The following UBXN8 variants were observed in gnomAD, a reference collection of about 807,000 sequenced individuals.
The protein encoded by UBXN8 is UBX domain protein 8.
Under a neutral mutation model 32.1 loss-of-function variants are expected in UBXN8, and 27 were observed. The ratio of observed to expected loss-of-function variants is 0.84; its 90% CI spans 0.62 to 1.16. The LOEUF (loss-of-function observed/expected upper bound fraction) is 1.16, where lower values mean the gene tolerates loss of function less well. UBXN8 is among the 50% of genes most tolerant of loss of function. The pLI is 0.00. For synonymous variants in UBXN8, 109 were observed against 111.8 expected (o/e 0.98, Z 0.16); for missense variants, 306 against 311.4 (o/e 0.98, Z 0.13).
chr8:30,732,125 C>A (rs1009184188), upstream of UBXN8: 12 of 322,128 alleles, frequency 3.7e-5, no homozygotes, highest in African/African-American at 2.6e-4. Flanking sequence ...ACTCAGTACA[C>A]TTGGACCTGG....
At chr8:30,761,536 C>G (rs962332873) in intron 6 of UBXN8, among the ~76,000 whole-genome samples, 1 of 152,172 alleles carries the variant, frequency 6.6e-6, no homozygotes, top group Non-Finnish European at 1.5e-5. Flanking sequence ...CCCACTGCCT[C>G]AGGCATAGGA....
chr8:30,732,335 T>C (rs1371946468), upstream of UBXN8: 2 of 397,990 alleles, frequency 5.0e-6, no homozygotes, highest in Non-Finnish European at 8.9e-6. Context: ...GGGTATAAGG[T>C]GTCCAAGAAA....
upstream of UBXN8, among the ~76,000 whole-genome samples, chr8:30,730,960 C>T (rs564892642): frequency 5.3e-5 from 8 of 152,276 alleles, no homozygotes; most frequent in African/African-American, 1.4e-4. Flanking sequence ...ACGTCAGGCC[C>T]GGCGAAATGC....
intron 6 of UBXN8, among the ~76,000 whole-genome samples, chr8:30,762,503 C>G (rs573148649): frequency 2.0e-5 from 3 of 152,324 alleles, no homozygotes; most frequent in Admixed American, 6.5e-5. Context: ...AGCCATTCTC[C>G]TGCCTCAGCC....
intron 6 of UBXN8, among the ~76,000 whole-genome samples, chr8:30,762,826 T>G (rs1429831795): frequency 6.6e-6 from 1 of 152,212 alleles, no homozygotes; most frequent in Non-Finnish European, 1.5e-5. Context: ...AAGGGTTTCT[T>G]GACAGGTGAA....
chr8:30,731,736 C>T (rs12548190), upstream of UBXN8, among the ~76,000 whole-genome samples: 37,805 of 152,018 alleles, frequency 0.25, 5,340 homozygotes, highest in African/African-American at 0.39. Context: ...AAGTTAAGCC[C>T]GGGGCCCAGC....
chr8:30,765,755 C>G (rs1805985031), intron 7 of UBXN8, among the ~76,000 whole-genome samples: 1 of 152,028 alleles, frequency 6.6e-6, no homozygotes, highest in Non-Finnish European at 1.5e-5. Context: ...CGGCCATAAT[C>G]CCAGCACTTC....
At chr8:30,751,696 G>A (rs1805527878) in intron 2 of UBXN8, among the ~76,000 whole-genome samples, 178 bp downstream of exon 2, 1 of 152,020 alleles carries the variant, frequency 6.6e-6, no homozygotes, top group Non-Finnish European at 1.5e-5. Context: ...AGTGATGATT[G>A]TTTTGCATGG....
chr8:30,743,126 G>A (rs181643513), upstream of UBXN8, among the ~76,000 whole-genome samples: 31 of 151,354 alleles, frequency 2.0e-4, no homozygotes, highest in Admixed American at 1.5e-3. Flanking sequence ...GTGAGCCACC[G>A]CGCTTAGCCA....
upstream of UBXN8, among the ~76,000 whole-genome samples, chr8:30,743,563 G>T (rs573491435): frequency 2.0e-4 from 30 of 152,338 alleles, no homozygotes; most frequent in African/African-American, 6.3e-4. Flanking sequence ...ATGGAACTAT[G>T]AAGTCAAGGT....
upstream of UBXN8, among the ~76,000 whole-genome samples, chr8:30,740,520 T>C (rs1485310939): frequency 2.5e-5 from 2 of 78,908 alleles, no homozygotes; most frequent in Non-Finnish European, 5.3e-5. Context: ...CTGAACAATA[T>C]AGTAAGACCC....
chr8:30,742,346 C>T (rs1268761900), upstream of UBXN8, among the ~76,000 whole-genome samples: 2 of 152,196 alleles, frequency 1.3e-5, no homozygotes, highest in African/African-American at 4.8e-5. Context: ...TAAAAGCCTT[C>T]ATTCAGCTTT....
chr8:30,739,020 C>T (rs925546195), intron 1 of UBXN8, among the ~76,000 whole-genome samples: 1 of 150,348 alleles, frequency 6.7e-6, no homozygotes, highest in Non-Finnish European at 1.5e-5. Flanking sequence ...CTTGAAATGA[C>T]AAAATTAAAG....
chr8:30,766,571 C>G lies in UBXN8; in HGVS notation c.*177C>G. On this transcript the variant is annotated 3_prime_UTR_variant, in exon 8 of 8. Transcript: ENST00000265616. Reference sequence around the variant, plus strand: ...AGGATTGCTTTCTATATATAATAATCTGTGGACTGTGCCATTTTACAGTGT... The same window carrying G: ...AGGATTGCTTTCTATATATAATAATGTGTGGACTGTGCCATTTTACAGTGT... The G allele has an allele frequency of 1.9e-6, 1 of 526,588 alleles. No homozygotes were observed. 32.6% of individuals were successfully genotyped at this position (526,588 alleles called of 1,614,324 possible). A position where few individuals can be genotyped will look rare whatever the true frequency, so the allele number is the denominator to read the frequency against.
intron 5 of UBXN8, among the ~76,000 whole-genome samples, chr8:30,758,900 T>TTTTTTTTTTTTTTTTTTTTTTTTTTTTTG (rs1554578741): frequency 1.6e-5 from 2 of 121,998 alleles, no homozygotes; most frequent in Non-Finnish European, 3.3e-5. Flanking sequence ...TTTTGTTTTT[T>TTTTTTTTTTTTTTTTTTTTTTTTTTTTTG]TTTTTTTTTT....
intron 1 of UBXN8, among the ~76,000 whole-genome samples, chr8:30,737,605 C>A (rs1195584895): frequency 6.6e-6 from 1 of 152,176 alleles, no homozygotes; most frequent in Non-Finnish European, 1.5e-5. Context: ...GGTGCCTAGT[C>A]TGAGCCCAGA....
intron 5 of UBXN8, among the ~76,000 whole-genome samples, chr8:30,757,847 G>A (rs1179205206): frequency 1.4e-5 from 2 of 146,032 alleles, no homozygotes; most frequent in African/African-American, 5.1e-5. Flanking sequence ...GCGACAGAGT[G>A]AGACTCCGTC....
intron 7 of UBXN8, among the ~76,000 whole-genome samples, chr8:30,765,770 G>C (rs945597291): frequency 3.3e-5 from 5 of 152,024 alleles, no homozygotes; most frequent in African/African-American, 1.2e-4. Flanking sequence ...CACTTCGGGA[G>C]GCCCAGGCAG....
intron 2 of UBXN8, among the ~76,000 whole-genome samples, chr8:30,752,816 A>G (rs1164237962): frequency 6.6e-6 from 1 of 152,246 alleles, no homozygotes; most frequent in East Asian, 1.9e-4. Context: ...GAAAGTGACC[A>G]GTATTTAATG....
Sources: gnomAD v4.1 joint callset for allele counts (sites outside exome capture counted in the v4.1 genomes callset) on GRCh38, gnomAD v4.1.1 for gene constraint, MANE v1.5 for transcripts, NCBI Gene and HGNC (gene_info 2026-07-23, HGNC 2026-07-21) for gene names.